SLC39A10: variants seen among roughly 807,000 people sequenced by gnomAD.
SLC39A10 encodes the protein solute carrier family 39 member 10, also known as zinc transporter ZIP10.
Under a neutral mutation model 65.1 loss-of-function variants are expected in SLC39A10, and 13 were observed. The observed-to-expected ratio is 0.20, with a 90% CI of 0.13 to 0.32. The LOEUF (loss-of-function observed/expected upper bound fraction) is 0.32, where lower values mean the gene tolerates loss of function less well. SLC39A10 is among the 10% of genes least tolerant of loss of function. The pLI is 1.00. For synonymous variants in SLC39A10, 321 were observed against 342.2 expected, an observed-to-expected ratio of 0.94 and a Z score of 0.68; for missense variants, 831 against 1,018.4, an observed-to-expected ratio of 0.82 and a Z score of 2.50.
At chr2:195,693,551 T>C (rs1690826960) in intron 3 of SLC39A10, among the ~76,000 whole-genome samples, 1 of 152,144 alleles carries the variant, frequency 6.6e-6, no homozygotes, top group South Asian at 2.1e-4. Flanking sequence ...TTCCAGGAAT[T>C]TATCCATCTC....
chr2:195,648,269 A>C (rs1484687397), intron 2 of SLC39A10, among the ~76,000 whole-genome samples: 1 of 152,028 alleles, frequency 6.6e-6, no homozygotes, highest in African/African-American at 2.4e-5. Flanking sequence ...CTATGCTGGA[A>C]TTATAGGTGA....
chr2:195,695,388 T>TGG (rs1690910477), intron 3 of SLC39A10, among the ~76,000 whole-genome samples: 1 of 152,126 alleles, frequency 6.6e-6, no homozygotes, highest in African/African-American at 2.4e-5. Context: ...GGGGGAAAAC[T>TGG]GGCAGTCACA....
chr2:195,714,088 G>A (rs1200281413), intron 6 of SLC39A10, among the ~76,000 whole-genome samples: 1 of 151,996 alleles, frequency 6.6e-6, no homozygotes, highest in Non-Finnish European at 1.5e-5. Flanking sequence ...CACCACGCCT[G>A]GCTAATTTTT....
Position 195,681,013 on chromosome 2 carries a change from T to G in SLC39A10, c.971T>G (p.Leu324Trp), listed in dbSNP as rs199958594. ...PHVKNNAIIS[L>W]RKDLNEDDHH... ...GTTAAAAATAATGCAATAATTTCTT[T>G]GAGAAAAGATCTAAATGAAGATGAC... The change falls in exon 2 of 10, where the codon TTG becomes TGG. Residue 324 changes from leucine (L) to tryptophan (W), a missense_variant. Physicochemically the swap from Leu to Trp is moderately conservative, Grantham distance 61. This residue lies in a region of SLC39A10 where 446 missense variants were observed against 499.2 expected (regional missense o/e 0.89). Transcript: ENST00000359634. 83 of 1,612,460 alleles carry G rather than the reference T, an allele frequency of 5.1e-5. No homozygotes were observed. Among genetic ancestry groups the G allele is most frequent in the Non-Finnish European group, 4.2e-6 (5 of 1,179,154 alleles).
intron 1 of SLC39A10, among the ~76,000 whole-genome samples, chr2:195,659,069 A>T (rs192204503): frequency 1.3e-5 from 2 of 152,354 alleles, no homozygotes; most frequent in East Asian, 3.9e-4. Context: ...CAGGTATTTC[A>T]CATCGCTGTA....
Position 195,715,815 on chromosome 2 carries a change from C to T in SLC39A10, c.1697-822C>T, listed in dbSNP as rs181768090. ...GTGGCTGGTAGGCATGCAATAAATG[C>T]TTTTTATGCAGAAAAGTTGCAGTGT... On this transcript the variant is annotated intron_variant, in intron 6 of 9. Coordinates refer to ENST00000359634, the MANE Select transcript of SLC39A10 (RefSeq NM_020342.3). Among the ~76,000 whole-genome samples the T allele has an allele frequency of 1.9e-3, 295 of 152,256 alleles. 1 individual carries two copies. Among genetic ancestry groups the T allele is most frequent in the African/African-American group, 6.7e-3 (278 of 41,556 alleles).
rs557651182 is a variant in SLC39A10 at position 195,701,151 on chromosome 2, A to T, written c.1217-5465A>T. On this transcript the variant is annotated intron_variant, in intron 3 of 9. Transcript: ENST00000359634. The stretch of plus-strand genomic sequence containing the variant: ...TTCTTTCTGTTCTTCAGCATCAGTA[A>T]TTTCCATTGTCCTGTTTTCAAGTCC... Among the ~76,000 whole-genome samples, 3 of 151,876 alleles carry T rather than the reference A, an allele frequency of 2.0e-5. No individual in the cohort carries two copies. In the South Asian group the frequency reaches 6.3e-4, roughly 32 times the overall value.
At chr2:195,663,386 C>A (rs948187862) in intron 1 of SLC39A10, among the ~76,000 whole-genome samples, 1 of 152,140 alleles carries the variant, frequency 6.6e-6, no homozygotes, top group Non-Finnish European at 1.5e-5. Context: ...TATAGAGGAA[C>A]ATAGCTTCTT....
intron 3 of SLC39A10, among the ~76,000 whole-genome samples, chr2:195,693,778 T>C (rs1559037289): frequency 6.6e-6 from 1 of 152,160 alleles, no homozygotes; most frequent in African/African-American, 2.4e-5. Flanking sequence ...TTTTGTATTG[T>C]TGTTTGTTTG....
chr2:195,691,996 G>A (rs1043621519), intron 3 of SLC39A10, among the ~76,000 whole-genome samples: 1 of 152,146 alleles, frequency 6.6e-6, no homozygotes, highest in Non-Finnish European at 1.5e-5. Context: ...TTAGATTTAA[G>A]TCTTTGCTCC....
intron 2 of SLC39A10, among the ~76,000 whole-genome samples, chr2:195,630,430 C>T (rs188192948): frequency 4.6e-5 from 7 of 152,306 alleles, no homozygotes; most frequent in African/African-American, 1.4e-4. Context: ...TTCCGCTATT[C>T]GGAAGCTCTG....
chr2:195,707,247 T>G (rs553184031), intron 4 of SLC39A10, among the ~76,000 whole-genome samples: 13 of 152,316 alleles, frequency 8.5e-5, no homozygotes, highest in African/African-American at 3.1e-4. Context: ...AGTCCTTTTC[T>G]TCTCTTTGGG....
chr2:195,684,922 C>T (rs959872900), intron 3 of SLC39A10, among the ~76,000 whole-genome samples: 3 of 152,132 alleles, frequency 2.0e-5, no homozygotes, highest in African/African-American at 7.2e-5. Flanking sequence ...TTTACTTAAA[C>T]ACATATCGCA....
intron 2 of SLC39A10, among the ~76,000 whole-genome samples, chr2:195,633,884 A>C (rs1443725274): frequency 1.3e-5 from 2 of 152,158 alleles, no homozygotes; most frequent in Non-Finnish European, 2.9e-5. Flanking sequence ...GAAAACAGAG[A>C]TATCAGTTCT....
upstream of SLC39A10, among the ~76,000 whole-genome samples, chr2:195,653,294 ATTTT>A (rs71015715): frequency 1.5e-5 from 2 of 129,082 alleles, no homozygotes; most frequent in Non-Finnish European, 1.7e-5. Context: ...CTGTGCCTGA[ATTTT>A]TTTTTTTTTT....
chr2:195,639,588 T>C (rs867505449), intron 2 of SLC39A10, among the ~76,000 whole-genome samples: 2 of 152,162 alleles, frequency 1.3e-5, no homozygotes, highest in Non-Finnish European at 2.9e-5. Context: ...ATATTTATTT[T>C]ATTTGATTTT....
intron 1 of SLC39A10, among the ~76,000 whole-genome samples, chr2:195,679,421 A>G (rs1426677212): frequency 6.6e-6 from 1 of 152,142 alleles, no homozygotes; most frequent in Non-Finnish European, 1.5e-5. Flanking sequence ...TCATAGAGTA[A>G]ATGCTTCAAT....
intron 3 of SLC39A10, among the ~76,000 whole-genome samples, chr2:195,689,657 T>C (rs536263572): frequency 5.3e-5 from 8 of 152,256 alleles, no homozygotes; most frequent in African/African-American, 1.9e-4. Context: ...ACTATCTGCC[T>C]CTGTAACTCT....
chr2:195,616,871 A>C (rs911099770), intron 2 of SLC39A10, among the ~76,000 whole-genome samples: 1 of 151,478 alleles, frequency 6.6e-6, no homozygotes, highest in Non-Finnish European at 1.5e-5. Context: ...CCGAAGTTCT[A>C]GGATTACAGG....
Sources: gnomAD v4.1 joint callset for allele counts (sites outside exome capture counted in the v4.1 genomes callset) on GRCh38, gnomAD v4.1.1 for gene constraint, gnomAD v4.1.1 regional missense constraint, MANE v1.5 for transcripts, NCBI Gene and HGNC (gene_info 2026-07-23, HGNC 2026-07-21) for gene names.